The following ANO4 variants were observed in gnomAD, a reference collection of about 807,000 sequenced individuals.
ANO4 encodes anoctamin 4.
In ANO4, 69 loss-of-function variants were observed where a neutral mutation model predicts 141.9. The observed-to-expected ratio is 0.49, with a 90% CI of 0.40 to 0.59. The LOEUF (loss-of-function observed/expected upper bound fraction) is 0.59. ANO4 is among the 20% of genes least tolerant of loss of function. The probability of loss-of-function intolerance (pLI) is 0.00; values close to 1 mark genes in which losing one functional copy is unlikely to be tolerated. For synonymous variants in ANO4, 350 were observed against 394.3 expected (o/e 0.89, Z 1.33); for missense variants, 894 against 1,162.2 (o/e 0.77, Z 3.36).
At chr12:100,885,920 C>T (rs556230160) in intron 1 of ANO4, among the ~76,000 whole-genome samples, 1 of 152,282 alleles carries the variant, frequency 6.6e-6, no homozygotes, top group East Asian at 1.9e-4. Context: ...GTTTGGATGT[C>T]CCAGGGGAGC....
intron 27 of ANO4, among the ~76,000 whole-genome samples, chr12:101,127,461 T>A (rs550104465): frequency 6.6e-6 from 1 of 152,300 alleles, no homozygotes; most frequent in South Asian, 2.1e-4. Flanking sequence ...GCAAAGAGAA[T>A]TCTTCCTGAA....
At position 101,086,657 on chromosome 12, in the gene ANO4, C is replaced by T. The variant is rs1388334224; in HGVS notation, c.1537-3C>T. On this transcript the variant is annotated splice_region_variant and splice_polypyrimidine_tract_variant and intron_variant, in intron 16 of 27. Transcript: ENST00000392977. ...TTCACCGGGTGTCTTGTCTTCCTGC[C>T]AGATCTGCGTGGTGATTGCTGCCGT... The T allele has an allele frequency of 3.7e-6, 6 of 1,613,246 alleles. No individual in the cohort carries two copies. The highest frequency in any genetic ancestry group is 5.1e-6 in the Non-Finnish European group (6 of 1,179,652).
intron 1 of ANO4, among the ~76,000 whole-genome samples, chr12:100,857,721 G>A (rs2135876623): frequency 6.6e-6 from 1 of 152,206 alleles, no homozygotes; most frequent in South Asian, 2.1e-4. Context: ...TTGAGGAGTG[G>A]CAGGATGTGG....
At chr12:100,801,336 G>A (rs1319377238) in intron 1 of ANO4, among the ~76,000 whole-genome samples, 4 of 152,084 alleles carry the variant, frequency 2.6e-5, no homozygotes, top group African/African-American at 4.8e-5. Context: ...ATACTGAGAA[G>A]GATAAAGAGA....
chr12:101,009,010 A>G (rs2045976596), intron 8 of ANO4, among the ~76,000 whole-genome samples: 1 of 152,014 alleles, frequency 6.6e-6, no homozygotes, highest in Non-Finnish European at 1.5e-5. Flanking sequence ...TGACTTCCTA[A>G]TAAGATTACG....
intron 1 of ANO4, among the ~76,000 whole-genome samples, chr12:100,897,580 C>T (rs1055149410): frequency 1.3e-5 from 2 of 152,178 alleles, no homozygotes; most frequent in African/African-American, 4.8e-5. Flanking sequence ...GAAAACTGCA[C>T]AATATGACCT....
chr12:100,944,490 C>G (rs547937645), intron 5 of ANO4, among the ~76,000 whole-genome samples: 1 of 151,902 alleles, frequency 6.6e-6, no homozygotes, highest in East Asian at 1.9e-4. Flanking sequence ...AAGCATTTCC[C>G]CCCTCCCCAC....
rs1593596344 is a variant in ANO4, at chr12:100,875,207, G to T, written c.-140-26439G>T. ...ATCCTCAGTGTTGGAGGAGGGACCT[G>T]GTGGGAGGTGACTGGATCATGGCGG... On this transcript the variant is annotated intron_variant, in intron 1 of 27. Coordinates refer to ENST00000392977, the MANE Select transcript of ANO4 (RefSeq NM_001286615.2). Among the ~76,000 whole-genome samples the T allele has an allele frequency of 2.0e-5, 3 of 152,266 alleles. No individual in the cohort carries two copies. In the East Asian group the frequency reaches 5.8e-4, roughly 29 times the overall value.
intron 1 of ANO4, among the ~76,000 whole-genome samples, chr12:100,721,878 A>C (rs2030884571): frequency 1.4e-5 from 2 of 146,108 alleles, no homozygotes; most frequent in Non-Finnish European, 3.0e-5. Flanking sequence ...TTTTAAGTAG[A>C]GGCAGGGTCT....
At chr12:101,099,810 C>A in intron 22 of ANO4, 90 bp downstream of exon 22, 1 of 1,136,346 alleles carries the variant, frequency 8.8e-7, no homozygotes, top group Non-Finnish European at 1.2e-6. Context: ...TCATCAAGGT[C>A]CTCAGTGCGT....
At chr12:101,016,536 A>G (rs778207933) in intron 8 of ANO4, among the ~76,000 whole-genome samples, 42 of 152,162 alleles carry the variant, frequency 2.8e-4, no homozygotes, top group Admixed American at 2.0e-4. Flanking sequence ...TTTAGAGGGG[A>G]CAAACATCCA....
chr12:101,006,697 G>T (rs921702216), intron 8 of ANO4, among the ~76,000 whole-genome samples: 1 of 152,184 alleles, frequency 6.6e-6, no homozygotes, highest in Non-Finnish European at 1.5e-5. Flanking sequence ...AAAGCAACTT[G>T]CAGGAGAGTA....
At chr12:101,054,769 G>C (rs2048040844) in intron 14 of ANO4, among the ~76,000 whole-genome samples, 1 of 152,176 alleles carries the variant, frequency 6.6e-6, no homozygotes, top group Non-Finnish European at 1.5e-5. Context: ...CAAAGTGTGG[G>C]AGCCACCGTG....
chr12:101,010,327 C>T (rs547131941), intron 8 of ANO4, among the ~76,000 whole-genome samples: 25 of 152,104 alleles, frequency 1.6e-4, no homozygotes, highest in African/African-American at 4.6e-4. Flanking sequence ...ACTTAGATAA[C>T]GAAGATGATA....
At chr12:100,911,882 A>G (rs984239196) in intron 2 of ANO4, among the ~76,000 whole-genome samples, 5 of 152,186 alleles carry the variant, frequency 3.3e-5, no homozygotes, top group African/African-American at 9.7e-5. Flanking sequence ...TATATGACCA[A>G]TCTTTAGAAT....
intron 1 of ANO4, among the ~76,000 whole-genome samples, chr12:100,718,255 C>A (rs2030704843): frequency 6.6e-6 from 1 of 152,184 alleles, no homozygotes; most frequent in Non-Finnish European, 1.5e-5. Context: ...GCTGGGGAAG[C>A]CAGCAAGGCT....
At chr12:100,841,723 T>C (rs1319072756) in intron 1 of ANO4, among the ~76,000 whole-genome samples, 1 of 152,174 alleles carries the variant, frequency 6.6e-6, no homozygotes, top group Non-Finnish European at 1.5e-5. Context: ...TTAAAATCAT[T>C]GTTTGATTTT....
intron 1 of ANO4, among the ~76,000 whole-genome samples, chr12:100,856,160 T>C (rs993610580): frequency 7.9e-5 from 12 of 152,116 alleles, no homozygotes; most frequent in African/African-American, 2.9e-4. Context: ...GAAAGGAGCT[T>C]GTAGGAGACT....
intron 1 of ANO4, among the ~76,000 whole-genome samples, chr12:100,807,599 T>C (rs1011981547): frequency 7.9e-5 from 12 of 152,156 alleles, no homozygotes; most frequent in African/African-American, 2.7e-4. Flanking sequence ...GGGGTACAAG[T>C]GTGGGTTTGT....
Sources: gnomAD v4.1 joint callset for allele counts (sites outside exome capture counted in the v4.1 genomes callset) on GRCh38, gnomAD v4.1.1 for gene constraint, MANE v1.5 for transcripts, NCBI Gene and HGNC (gene_info 2026-07-23, HGNC 2026-07-21) for gene names.